SNX29: variants seen among roughly 807,000 people sequenced by gnomAD.
The protein encoded by SNX29 is sorting nexin-29.
SNX29 carries 78 observed loss-of-function variants against 102.1 expected under a neutral mutation model. The ratio of observed to expected loss-of-function variants is 0.76; its 90% CI spans 0.64 to 0.92. SNX29 has a LOEUF of 0.92. Ranked by LOEUF, SNX29 falls within the 40% of genes least tolerant of loss-of-function variation. The pLI is 0.00. For synonymous variants in SNX29, 580 were observed against 414.5 expected (o/e 1.40, Z -4.85); for missense variants, 1,280 against 1,061.7 (o/e 1.21, Z -2.86).
At chr16:12,246,972 G>A (rs1268556832) in intron 14 of SNX29, among the ~76,000 whole-genome samples, 1 of 152,188 alleles carries the variant, frequency 6.6e-6, no homozygotes, top group African/African-American at 2.4e-5. Flanking sequence ...AGGGTGTCAG[G>A]AGGTTGAGAA....
chr16:12,330,942 C>A (rs758360127), intron 15 of SNX29, among the ~76,000 whole-genome samples: 6 of 152,230 alleles, frequency 3.9e-5, no homozygotes, highest in Admixed American at 2.0e-4. Flanking sequence ...GCATGCTAGC[C>A]CCCTGGCTTA....
chr16:12,199,657 T>A lies in SNX29; in HGVS notation c.1652T>A (p.Leu551Gln). 3.1e-6 allele frequency: 5 copies of A among 1,612,890 alleles called. No homozygotes were observed. Among genetic ancestry groups the A allele is most frequent in the Non-Finnish European group, 4.2e-6 (5 of 1,179,424 alleles). The change falls in exon 14 of 21, where the codon CTG becomes CAG. Residue 551 changes from leucine to glutamine, a missense_variant. Leu to Gln is a moderately radical substitution (Grantham distance 113). Transcript: ENST00000566228. ...AAATATGTAGGAGCTGTCCAGATGC[T>A]GAAAAGAGAAGGTCAAACAGCTGAA... Reference protein sequence around the residue: ...LKKYVGAVQMLKREGQTAEVP... With the variant: ...LKKYVGAVQMQKREGQTAEVP...
chr16:12,060,694 C>G, intron 8 of SNX29: 1 of 446,340 alleles, frequency 2.2e-6, no homozygotes, highest in South Asian at 1.6e-5. Flanking sequence ...TGGGGGACGG[C>G]TATACTGCAA....
rs558739810 is a variant in SNX29, at chr16:12,564,263, T to TA, written c.2319-4242dup. ...TCTCTACTCAGTTCCTTTGGTATATTAGATGCCTCTACCAGTAAAAGTTCC... is the reference window on the plus strand; with the variant it reads ...TCTCTACTCAGTTCCTTTGGTATATTAAGATGCCTCTACCAGTAAAAGTTCC... On this transcript the variant is annotated intron_variant, in intron 20 of 20. Coordinates refer to ENST00000566228, the MANE Select transcript of SNX29 (RefSeq NM_032167.5). Among the ~76,000 whole-genome samples the TA allele has an allele frequency of 6.2e-4, 94 of 152,326 alleles. 1 individual carries two copies. The highest frequency in any genetic ancestry group is 2.1e-3 in the African/African-American group (89 of 41,572).
At chr16:12,049,981 T>C (rs773249785) in intron 7 of SNX29, among the ~76,000 whole-genome samples, 9 of 152,214 alleles carry the variant, frequency 5.9e-5, no homozygotes, top group Non-Finnish European at 1.0e-4. Flanking sequence ...GCAGTAACTG[T>C]GGCCATCCCT....
chr16:12,158,545 C>T (rs568016552), intron 13 of SNX29, among the ~76,000 whole-genome samples: 5 of 152,336 alleles, frequency 3.3e-5, no homozygotes, highest in South Asian at 2.1e-4. Context: ...CCTGCTTGAG[C>T]ATTCTCACAT....
chr16:12,026,543 G>C (rs966492665), intron 3 of SNX29, among the ~76,000 whole-genome samples: 12 of 152,226 alleles, frequency 7.9e-5, no homozygotes, highest in African/African-American at 2.9e-4. Flanking sequence ...AGATTGCTAA[G>C]ATCAAGTGCA....
rs11542103 is a variant in SNX29 at position 12,573,410 on chromosome 16, G to A, written c.*4781G>A. 46,885 of 223,338 alleles carry A rather than the reference G, an allele frequency of 0.21. 6,327 individuals carry two copies. The highest frequency in any genetic ancestry group is 0.29 in the Non-Finnish European group (32,927 of 111,956). The allele number at this position is 223,338 out of a possible 1,614,324, so 13.8% of individuals were successfully genotyped here. ...TTATAGCTAGTTTCTATAGAGAAGT[G>A]AAAAAGAAATCTGGCTTCCTTAATA... On this transcript the variant is annotated 3_prime_UTR_variant, in exon 21 of 21. Coordinates refer to ENST00000566228, the MANE Select transcript of SNX29 (RefSeq NM_032167.5).
intron 20 of SNX29, 139 bp from the exon 21 acceptor site, chr16:12,568,367 C>G: frequency 1.8e-6 from 2 of 1,125,204 alleles, no homozygotes; most frequent in East Asian, 2.5e-5. Flanking sequence ...CAGGTGGCAC[C>G]AGTTAGAGGC....
chr16:12,299,768 T>G (rs1365293717), intron 15 of SNX29, among the ~76,000 whole-genome samples: 4 of 144,090 alleles, frequency 2.8e-5, no homozygotes, highest in African/African-American at 1.1e-4. Flanking sequence ...TACTTCTAAT[T>G]CAAATTTCGA....
At chr16:12,228,609 A>G (rs1447224603) in intron 14 of SNX29, among the ~76,000 whole-genome samples, 1 of 152,188 alleles carries the variant, frequency 6.6e-6, no homozygotes, top group Non-Finnish European at 1.5e-5. Context: ...ATGCCTTACC[A>G]TGACTTGCAA....
At chr16:12,240,655 G>T (rs1026240604) in intron 14 of SNX29, among the ~76,000 whole-genome samples, 21 of 134,718 alleles carry the variant, frequency 1.6e-4, no homozygotes, top group African/African-American at 5.9e-4. Flanking sequence ...GGAGTGCAGC[G>T]GCATGATCTC....
At chr16:12,339,732 C>G (rs1296107550) in intron 15 of SNX29, among the ~76,000 whole-genome samples, 2 of 152,204 alleles carry the variant, frequency 1.3e-5, no homozygotes, top group African/African-American at 4.8e-5. Flanking sequence ...CTTAGCAATT[C>G]TTGTCATGAA....
At chr16:12,182,321 C>T (rs2076405352) in intron 13 of SNX29, among the ~76,000 whole-genome samples, 1 of 151,792 alleles carries the variant, frequency 6.6e-6, no homozygotes. Flanking sequence ...GATAATAATC[C>T]CACTGGACAA....
intron 18 of SNX29, among the ~76,000 whole-genome samples, chr16:12,468,459 C>A (rs1167568622): frequency 6.6e-6 from 1 of 152,274 alleles, no homozygotes; most frequent in Non-Finnish European, 1.5e-5. Context: ...CCACCACGCG[C>A]AACCTCCAAC....
At chr16:12,532,428 T>TAAGC (rs2076957148) in intron 20 of SNX29, among the ~76,000 whole-genome samples, 1 of 152,100 alleles carries the variant, frequency 6.6e-6, no homozygotes, top group African/African-American at 2.4e-5. Flanking sequence ...GCTGTCGTGT[T>TAAGC]TTGTAAATCC....
intron 14 of SNX29, among the ~76,000 whole-genome samples, chr16:12,242,727 C>T (rs1242734008): frequency 1.3e-5 from 2 of 151,606 alleles, no homozygotes; most frequent in East Asian, 3.9e-4. Flanking sequence ...AATCACAGCT[C>T]ACTGCAGCCT....
At chr16:12,328,060 C>T (rs2081174599) in intron 15 of SNX29, among the ~76,000 whole-genome samples, 1 of 152,318 alleles carries the variant, frequency 6.6e-6, no homozygotes, top group Middle Eastern at 3.4e-3. Flanking sequence ...GGCAGGACAC[C>T]ACTTTCCAGA....
In SNX29 at chr16:12,108,196, T is replaced by C. The variant is rs114980424; in HGVS notation, c.1403-18437T>C. ...TCCCAGTGGTAGAGGAAGTTGACTTTTACTAGCCTTGTCTGGCATTCTTTG... is the reference window on the plus strand; with the variant it reads ...TCCCAGTGGTAGAGGAAGTTGACTTCTACTAGCCTTGTCTGGCATTCTTTG... On this transcript the variant is annotated intron_variant, in intron 11 of 20. Coordinates refer to ENST00000566228, the MANE Select transcript of SNX29 (RefSeq NM_032167.5). 3.6e-3 allele frequency among the ~76,000 whole-genome samples: 544 copies of C among 152,316 alleles called. 3 individuals are homozygous for C. The highest frequency in any genetic ancestry group is 0.013 in the African/African-American group (525 of 41,558).
Sources: allele counts gnomAD v4.1 joint callset (sites outside exome capture counted in the v4.1 genomes callset), GRCh38; gene constraint gnomAD v4.1.1; transcripts MANE v1.5; gene names NCBI Gene and HGNC (gene_info 2026-07-23, HGNC 2026-07-21).